HPSE2: variants seen among roughly 807,000 people sequenced by gnomAD.
The protein encoded by HPSE2 is heparanase 2 (inactive).
A neutral mutation model predicts 60.5 loss-of-function variants in HPSE2; 38 were observed. The ratio of observed to expected loss-of-function variants is 0.63; its 90% confidence interval spans 0.48 to 0.82. HPSE2 has a LOEUF of 0.82. Ranked by LOEUF, HPSE2 falls within the 40% of genes least tolerant of loss-of-function variation. The pLI, the probability that HPSE2 is intolerant of heterozygous loss-of-function variation, is 0.00. For synonymous variants in HPSE2, 295 were observed against 293.2 expected (o/e 1.01, Z -0.06); for missense variants, 713 against 740.4 (o/e 0.96, Z 0.43).
intron 3 of HPSE2, among the ~76,000 whole-genome samples, chr10:98,814,400 T>G (rs1951238598): frequency 6.6e-6 from 1 of 152,154 alleles, no homozygotes; most frequent in Non-Finnish European, 1.5e-5. Context: ...CTGTTCCATG[T>G]CAAGTAAAAA....
chr10:98,972,227 T>C (rs553150775), intron 3 of HPSE2, among the ~76,000 whole-genome samples: 11 of 152,282 alleles, frequency 7.2e-5, no homozygotes, highest in African/African-American at 2.6e-4. Context: ...TCTTCATCTA[T>C]TTTTCTTTTC....
At chr10:98,746,814 A>C (rs1288343144) in intron 3 of HPSE2, among the ~76,000 whole-genome samples, 3 of 151,924 alleles carry the variant, frequency 2.0e-5, no homozygotes, top group Admixed American at 6.6e-5. Flanking sequence ...AAAAAGAAAA[A>C]CTGAAGTTTC....
At chr10:98,628,172 C>T (rs1051900778) in intron 7 of HPSE2, among the ~76,000 whole-genome samples, 11 of 152,064 alleles carry the variant, frequency 7.2e-5, no homozygotes, top group African/African-American at 1.4e-4. Context: ...TTTGGGGCAC[C>T]GTGGGAGGCT....
In HPSE2 at chr10:98,641,829, C is replaced by T. The variant is rs201135930; in HGVS notation, c.1098+18G>A. On this transcript the variant is annotated intron_variant, in intron 7 of 11. Transcript: ENST00000370552. ...CCCCCAGAATCGCTCCTTTTCTTCC[C>T]AGGATACTTTTACTCACTTTCTGAA... The T allele has an allele frequency of 2.4e-5, 38 of 1,579,630 alleles. No homozygotes were observed. The highest frequency in any genetic ancestry group is 3.1e-5 in the Non-Finnish European group (36 of 1,148,768).
rs903679506 is a variant in HPSE2 at position 99,131,932 on chromosome 10, T to C, written c.610+12306A>G. On this transcript the variant is annotated intron_variant, in intron 3 of 11. Transcript: ENST00000370552. ...TTCAAGACTAGCCTGGCCAACATGA[T>C]GAAACCCCATCTCTACTAAAAATTT... 4.6e-5 allele frequency among the ~76,000 whole-genome samples: 7 copies of C among 151,746 alleles called. No individual in the cohort carries two copies. The East Asian group carries it at 1.4e-3, about 30-fold the overall frequency.
At chr10:99,184,839 G>GAC (rs1847939204) in intron 2 of HPSE2, among the ~76,000 whole-genome samples, 1 of 78,512 alleles carries the variant, frequency 1.3e-5, no homozygotes, top group East Asian at 3.8e-4. Context: ...GAGAGAGAGA[G>GAC]AGAGAGAGAG....
At chr10:98,740,473 G>A (rs767042325) in intron 4 of HPSE2, among the ~76,000 whole-genome samples, 9 of 151,948 alleles carry the variant, frequency 5.9e-5, no homozygotes, top group African/African-American at 1.2e-4. Flanking sequence ...ATGCCTGGCC[G>A]AAGAAAGTCA....
At position 98,601,292 on chromosome 10, in the gene HPSE2, A is replaced by G. The variant is rs539462640; in HGVS notation, c.1320+13612T>C. Among the ~76,000 whole-genome samples, 11 of 152,324 alleles carry G rather than the reference A, an allele frequency of 7.2e-5. No individual in the cohort carries two copies. In the South Asian group the frequency reaches 1.9e-3, roughly 26 times the overall value. The stretch of plus-strand genomic sequence containing the variant: ...TATCTTCATAGAAATATCTAGAATA[A>G]TGTTTGACCAACTATCTGGGTAACA... On this transcript the variant is annotated intron_variant, in intron 9 of 11. Transcript: ENST00000370552.
At chr10:99,009,744 T>C (rs563778903) in intron 3 of HPSE2, among the ~76,000 whole-genome samples, 15 of 152,246 alleles carry the variant, frequency 9.9e-5, no homozygotes, top group African/African-American at 3.4e-4. Context: ...ACCAGTAATA[T>C]TTCAAAAAGA....
At chr10:98,919,841 C>T (rs964676762) in intron 3 of HPSE2, among the ~76,000 whole-genome samples, 1 of 152,128 alleles carries the variant, frequency 6.6e-6, no homozygotes, top group Admixed American at 6.5e-5. Context: ...TGCTTTGATA[C>T]TACAGTATTT....
chr10:99,241,623 T>C, the HPSE2 span, among the ~76,000 whole-genome samples: 2 of 152,128 alleles, frequency 1.3e-5, no homozygotes, highest in Admixed American at 6.5e-5. Flanking sequence ...CCGGGTATGG[T>C]GGCACATGCC....
At chr10:99,302,054 T>G in the HPSE2 span, among the ~76,000 whole-genome samples, 8 of 151,844 alleles carry the variant, frequency 5.3e-5, no homozygotes, top group East Asian at 1.6e-3. Flanking sequence ...ATCCTGATGT[T>G]GAGTGGTTTA....
chr10:99,061,815 G>A (rs1434765126), intron 3 of HPSE2, among the ~76,000 whole-genome samples: 3 of 152,174 alleles, frequency 2.0e-5, no homozygotes, highest in Admixed American at 1.3e-4. Flanking sequence ...GATTAAATGA[G>A]ATATTGTACA....
At chr10:98,505,911 AC>A (rs1942184948) in intron 9 of HPSE2, among the ~76,000 whole-genome samples, 1 of 151,926 alleles carries the variant, frequency 6.6e-6, no homozygotes, top group Non-Finnish European at 1.5e-5. Context: ...TGTTTTAATT[AC>A]CATTGTTTTA....
chr10:98,776,119 T>G (rs1950333711), intron 3 of HPSE2, among the ~76,000 whole-genome samples: 1 of 152,018 alleles, frequency 6.6e-6, no homozygotes, highest in Admixed American at 6.6e-5. Flanking sequence ...TCTGCACATT[T>G]CTTCCCGGGG....
chr10:99,061,031 G>C (rs181379779), intron 3 of HPSE2, among the ~76,000 whole-genome samples: 46 of 151,854 alleles, frequency 3.0e-4, no homozygotes, highest in African/African-American at 7.5e-4. Flanking sequence ...AAGCTCACAG[G>C]GTTTAAAATT....
At chr10:98,769,350 G>A (rs1950193234) in intron 3 of HPSE2, among the ~76,000 whole-genome samples, 1 of 152,062 alleles carries the variant, frequency 6.6e-6, no homozygotes, top group Non-Finnish European at 1.5e-5. Flanking sequence ...GTGGGAGTTG[G>A]GGGATGATAT....
chr10:98,656,761 G>GTT (rs1395202438), intron 6 of HPSE2, among the ~76,000 whole-genome samples: 22 of 138,790 alleles, frequency 1.6e-4, no homozygotes, highest in African/African-American at 2.4e-4. Flanking sequence ...CAGCTGATAG[G>GTT]TTTTTTTTTT....
chr10:98,844,432 A>ATAC (rs1212121384), intron 3 of HPSE2, among the ~76,000 whole-genome samples: 1 of 152,246 alleles, frequency 6.6e-6, no homozygotes, highest in Non-Finnish European at 1.5e-5. Flanking sequence ...TATTTAAATG[A>ATAC]TACTAGTATG....
Sources: gnomAD v4.1 joint callset for allele counts (sites outside exome capture counted in the v4.1 genomes callset) on GRCh38, gnomAD v4.1.1 for gene constraint, MANE v1.5 for transcripts, NCBI Gene and HGNC (gene_info 2026-07-23, HGNC 2026-07-21) for gene names.